MRC1: variants seen among roughly 807,000 people sequenced by gnomAD.
The protein encoded by MRC1 is mannose receptor C-type 1, also known as macrophage mannose receptor 1.
A neutral mutation model predicts 102.9 loss-of-function variants in MRC1; 62 were observed. That is an observed-to-expected ratio of 0.60 (90% CI 0.49 to 0.74). The LOEUF (loss-of-function observed/expected upper bound fraction) is 0.74, where lower values mean the gene tolerates loss of function less well. Among genes scored for constraint, MRC1 ranks in the 30% least tolerant of loss-of-function variants. The pLI is 0.00. For synonymous variants in MRC1, 457 were observed against 298.4 expected, an observed-to-expected ratio of 1.53 and a Z score of -5.48; for missense variants, 1,237 against 862.8, an observed-to-expected ratio of 1.43 and a Z score of -5.43.
intron 6 of MRC1, 97 bp from the exon 7 acceptor site, chr10:17,849,482 T>C (rs1838879046): frequency 1.5e-6 from 1 of 689,158 alleles, no homozygotes; most frequent in African/African-American, 1.8e-5. Context: ...CTAGTAACTA[T>C]AAGCTGTTTC....
chr10:17,845,069 A>C (rs1838805377), intron 5 of MRC1: 1 of 769,888 alleles, frequency 1.3e-6, no homozygotes. Context: ...TTGCTTTATC[A>C]ACATTCTAAG....
At chr10:17,874,920 G>A (rs1305133503) in intron 16 of MRC1, among the ~76,000 whole-genome samples, 170 bp from the exon 17 acceptor site, 1 of 152,166 alleles carries the variant, frequency 6.6e-6, no homozygotes, top group African/African-American at 2.4e-5. Flanking sequence ...TATTTGGGCT[G>A]GGGTTCAGAT....
intron 4 of MRC1, among the ~76,000 whole-genome samples, chr10:17,838,062 A>C (rs1047692081): frequency 4.6e-5 from 7 of 152,066 alleles, no homozygotes; most frequent in African/African-American, 7.2e-5. Context: ...TATAGATGAG[A>C]TAACAGACTA....
At chr10:17,885,061 T>C (rs1833573228) in intron 21 of MRC1, among the ~76,000 whole-genome samples, 1 of 152,208 alleles carries the variant, frequency 6.6e-6, no homozygotes, top group African/African-American at 2.4e-5. Context: ...ACCTAGACTT[T>C]TATTGTATGA....
At chr10:17,878,276 G>A (rs986001185) in intron 18 of MRC1, among the ~76,000 whole-genome samples, 2 of 152,088 alleles carry the variant, frequency 1.3e-5, no homozygotes, top group Non-Finnish European at 2.9e-5. Context: ...TACAAATACT[G>A]AATTTATTTA....
intron 5 of MRC1, among the ~76,000 whole-genome samples, chr10:17,843,031 T>G (rs1189718745): frequency 6.6e-6 from 1 of 152,244 alleles, no homozygotes; most frequent in African/African-American, 2.4e-5. Context: ...ATGAAAATAT[T>G]AAAATATATT....
chr10:17,827,465 C>A, intron 2 of MRC1, 77 bp from the exon 3 acceptor site: 1 of 625,464 alleles, frequency 1.6e-6, no homozygotes. Context: ...CCAATTCCTT[C>A]AGTAGGCTTC....
At chr10:17,894,439 G>A (rs906136714) in intron 23 of MRC1, 127 bp downstream of exon 23, 241 of 628,384 alleles carry the variant, frequency 3.8e-4, no homozygotes, top group Middle Eastern at 3.1e-3. Context: ...TCGCTCTGTC[G>A]CCCAGGCTGA....
chr10:17,874,527 A>G (rs951375153), intron 16 of MRC1, among the ~76,000 whole-genome samples: 2 of 152,146 alleles, frequency 1.3e-5, no homozygotes, highest in Admixed American at 1.3e-4. Context: ...GCTAACATTC[A>G]TAGGTTCCAG....
intron 1 of MRC1, among the ~76,000 whole-genome samples, chr10:17,821,443 A>G (rs35736649): frequency 0.16 from 24,710 of 152,076 alleles, 2,101 homozygotes; most frequent in East Asian, 0.21. Flanking sequence ...ATGTGTCAAC[A>G]TGGCTGGGTC....
chr10:17,894,407 T>TTTTTTTTTTTC, intron 23 of MRC1, 95 bp downstream of exon 23: 1 of 680,060 alleles, frequency 1.5e-6, no homozygotes, highest in Non-Finnish European at 2.6e-6. Context: ...TTTTTTTTTT[T>TTTTTTTTTTTC]TTTTTTTTTT....
At chr10:17,903,092 G>A (rs1407770085) in intron 26 of MRC1, among the ~76,000 whole-genome samples, 5 of 151,880 alleles carry the variant, frequency 3.3e-5, no homozygotes, top group Admixed American at 1.3e-4. Flanking sequence ...ATTTTTCCAT[G>A]CTTTTACTTT....
rs1051442503 is a variant in MRC1 at position 17,809,446 on chromosome 10, G to A, written c.-20G>A. On this transcript the variant is annotated 5_prime_UTR_variant, in exon 1 of 30. Coordinates refer to ENST00000569591, the MANE Select transcript of MRC1 (RefSeq NM_002438.4). ...CCGCCCTCCTGTCCATCAGGAGAAG[G>A]AAAGGATAAACCCTGGGCCATGAGG... The A allele has an allele frequency of 8.0e-6, 7 of 872,742 alleles. No homozygotes were observed. Among genetic ancestry groups the A allele is most frequent in the Non-Finnish European group, 1.4e-5 (7 of 501,514 alleles). 54.1% of individuals were successfully genotyped at this position (872,742 alleles called of 1,614,324 possible).
chr10:17,816,066 CG>C (rs1464373398), intron 1 of MRC1, among the ~76,000 whole-genome samples: 2 of 152,134 alleles, frequency 1.3e-5, no homozygotes, highest in African/African-American at 2.4e-5. Flanking sequence ...TCAGGTGATC[CG>C]CCTGCCTTGG....
At position 17,900,112 on chromosome 10, in the gene MRC1, A is replaced by G. The variant is rs868965221; in HGVS notation, c.3484-676A>G. On this transcript the variant is annotated intron_variant, in intron 24 of 29. Transcript: ENST00000569591. ...AGACTTCTCTCAAAAAAAAAAAAAA[A>G]AAAAGAAAGAAATTGACTGTGCAAG... 5.9e-3 allele frequency among the ~76,000 whole-genome samples: 900 copies of G among 151,506 alleles called. 5 individuals carry two copies. Among genetic ancestry groups the G allele is most frequent in the African/African-American group, 0.021 (867 of 41,314 alleles).
chr10:17,821,474 C>G (rs527965281), intron 1 of MRC1, among the ~76,000 whole-genome samples: 2 of 152,026 alleles, frequency 1.3e-5, no homozygotes, highest in African/African-American at 4.8e-5. Context: ...GATATTTGAT[C>G]AAGCACCAGA....
At chr10:17,868,415 C>A (rs1353230909) in intron 12 of MRC1, among the ~76,000 whole-genome samples, 1 of 152,140 alleles carries the variant, frequency 6.6e-6, no homozygotes, top group Non-Finnish European at 1.5e-5. Flanking sequence ...ACCATCAGAT[C>A]TTCTGAGAAC....
intron 7 of MRC1, among the ~76,000 whole-genome samples, chr10:17,851,714 C>G (rs1185563384): frequency 6.6e-6 from 1 of 152,172 alleles, no homozygotes; most frequent in South Asian, 2.1e-4. Context: ...CACTTTGAAG[C>G]CTGCATTTGT....
chr10:17,842,914 C>A (rs924216743), intron 5 of MRC1, among the ~76,000 whole-genome samples: 4 of 152,090 alleles, frequency 2.6e-5, no homozygotes, highest in Non-Finnish European at 5.9e-5. Flanking sequence ...AATCACCTTG[C>A]GAAATAGTAT....
Sources: gnomAD v4.1 joint callset for allele counts (sites outside exome capture counted in the v4.1 genomes callset) on GRCh38, gnomAD v4.1.1 for gene constraint, MANE v1.5 for transcripts, NCBI Gene and HGNC (gene_info 2026-07-23, HGNC 2026-07-21) for gene names.